The following CEL variants were observed in gnomAD, a reference collection of about 807,000 sequenced individuals.
CEL encodes the protein carboxyl ester lipase.
CEL carries 39 observed loss-of-function variants against 57.1 expected under a neutral mutation model. The observed-to-expected ratio is 0.68, with a 90% CI of 0.53 to 0.89. CEL has a LOEUF of 0.89. Among genes scored for constraint, CEL ranks in the 40% least tolerant of loss-of-function variants. The pLI is 0.00. For synonymous variants in CEL, 314 were observed against 396.6 expected (o/e 0.79, Z 2.48); for missense variants, 698 against 915.0 (o/e 0.76, Z 3.06).
At position 133,070,551 on chromosome 9, in the gene CEL, T is replaced by C. The variant is rs2257704; in HGVS notation, c.1377T>C (p.Ile459=). ...TGGGGGCCGACCATGCAGATGACAT[T>C]CAGTACGTTTTCGGGAAGCCCTTCG... is the stretch of plus-strand genomic sequence containing the variant. ...KWVGADHADD[I]QYVFGKPFAT... Residue 459 remains isoleucine (I), a synonymous_variant, in exon 10 of 11, where the codon ATT becomes ATC. Coordinates refer to ENST00000372080, the MANE Select transcript of CEL (RefSeq NM_001807.6). 2 of 1,613,970 alleles carry C rather than the reference T, an allele frequency of 1.2e-6. No homozygotes were observed. The highest frequency in any genetic ancestry group is 1.1e-5 in the South Asian group (1 of 91,078).
At chr9:133,068,345 G>A (rs1302981327) in intron 7 of CEL, among the ~76,000 whole-genome samples, 1 of 152,110 alleles carries the variant, frequency 6.6e-6, no homozygotes, top group Admixed American at 6.5e-5. Context: ...AGAGAGAGAG[G>A]AGAGGGAGGG....
chr9:133,066,833 C>T lies in CEL; in HGVS notation c.670-5C>T, dbSNP rs535604397. 1.1e-4 allele frequency: 173 copies of T among 1,611,078 alleles called. No homozygotes were observed. Among genetic ancestry groups the T allele is most frequent in the South Asian group, 6.7e-4 (61 of 90,714 alleles). On this transcript the variant is annotated splice_region_variant and splice_polypyrimidine_tract_variant and intron_variant, in intron 5 of 10. Coordinates refer to ENST00000372080, the MANE Select transcript of CEL (RefSeq NM_001807.6). This position sits in a 1 kb window ranked among gnomAD's most constrained non-coding sequence, Gnocchi z 4.3. Reference sequence around the variant, plus strand: ...CCTTGGTGACGGGATTTCTGGGTCCCGTAGACCCTCTCCCCCTACAACAAG... The same window carrying T: ...CCTTGGTGACGGGATTTCTGGGTCCTGTAGACCCTCTCCCCCTACAACAAG...
chr9:133,066,797 G>A lies in CEL; in HGVS notation c.670-41G>A. On this transcript the variant is annotated intron_variant, in intron 5 of 10. Coordinates refer to ENST00000372080, the MANE Select transcript of CEL (RefSeq NM_001807.6). This position sits in a 1 kb window ranked among gnomAD's most constrained non-coding sequence, Gnocchi z 4.3. ...CTTGTCCCAGCGTGGGGTGGGCAGA[G>A]TGGGGAGCGGCCTTGGTGACGGGAT... is the stretch of plus-strand genomic sequence containing the variant. The A allele has an allele frequency of 1.2e-6, 2 of 1,608,322 alleles. No individual in the cohort carries two copies. The highest frequency in any genetic ancestry group is 1.7e-6 in the Non-Finnish European group (2 of 1,176,554).
intron 3 of CEL, 78 bp downstream of exon 3, chr9:133,064,840 G>A: frequency 6.2e-7 from 1 of 1,604,768 alleles, no homozygotes; most frequent in Non-Finnish European, 8.5e-7. Flanking sequence ...TGAGTCTGGG[G>A]GCTGCAAAGC....
In CEL at chr9:133,071,044, A is replaced by G. The variant is rs751939489; in HGVS notation, c.1542A>G (p.Glu514=). 2.2e-5 allele frequency: 35 copies of G among 1,613,460 alleles called. 1 individual carries two copies. The South Asian group carries it at 3.6e-4, about 17-fold the overall frequency. The change falls in exon 11 of 11, where the codon GAA becomes GAG. Residue 514 remains glutamate, a synonymous_variant. Coordinates refer to ENST00000372080, the MANE Select transcript of CEL (RefSeq NM_001807.6). ...CACACTGGGAACCCTACACTACGGAAAACAGCGGCTACCTGGAGATCACCA... is the reference window on the plus strand; with the variant it reads ...CACACTGGGAACCCTACACTACGGAGAACAGCGGCTACCTGGAGATCACCA... ...VPTHWEPYTT[E]NSGYLEITKK...
chr9:133,063,970 C>T (rs2119057992), intron 1 of CEL, among the ~76,000 whole-genome samples: 1 of 152,300 alleles, frequency 6.6e-6, no homozygotes, highest in African/African-American at 2.4e-5. Flanking sequence ...CCCGGGTACA[C>T]TGAGCATTGG....
At chr9:133,064,303 G>A (rs1320233946) in intron 1 of CEL, 101 bp from the exon 2 acceptor site, 1 of 1,526,430 alleles carries the variant, frequency 6.6e-7, no homozygotes, top group East Asian at 2.3e-5. Flanking sequence ...CTTTGAAGCT[G>A]TCTTTGCCTC....
chr9:133,065,276 C>T (rs756842009), intron 4 of CEL, 39 bp downstream of exon 4: 2 of 1,602,030 alleles, frequency 1.2e-6, no homozygotes, highest in Non-Finnish European at 1.7e-6. Context: ...GGGCGACCAG[C>T]ATGCTGAGCC....
chr9:133,064,011 C>T (rs1457051183), intron 1 of CEL, among the ~76,000 whole-genome samples: 5 of 152,186 alleles, frequency 3.3e-5, no homozygotes, highest in African/African-American at 1.2e-4. Context: ...GGACAGGCCT[C>T]CCATGTGATG....
At chr9:133,067,787 T>C (rs1432515482) in intron 7 of CEL, among the ~76,000 whole-genome samples, 1 of 152,202 alleles carries the variant, frequency 6.6e-6, no homozygotes, top group African/African-American at 2.4e-5. Flanking sequence ...CATATAATTT[T>C]AGGGAGACTC....
At position 133,066,726 on chromosome 9, in the gene CEL, G is replaced by A. The variant is rs1830182986; in HGVS notation, c.669+66G>A. The A allele has an allele frequency of 3.7e-6, 6 of 1,606,450 alleles. No individual in the cohort carries two copies. The African/African-American group carries it at 4.0e-5, about 11-fold the overall frequency. On this transcript the variant is annotated intron_variant, in intron 5 of 10. Transcript: ENST00000372080. The surrounding 1 kb of genome is among the most constrained non-coding windows in gnomAD (Gnocchi z 4.3). ...AGAGGAAGCTCAAACGGGAAGGGGAGGGTGGGAGGAGGAGCGTGGAGCTGG... is the reference window on the plus strand; with the variant it reads ...AGAGGAAGCTCAAACGGGAAGGGGAAGGTGGGAGGAGGAGCGTGGAGCTGG...
Position 133,067,114 on chromosome 9 carries a change from G to C in CEL, c.804G>C (p.Val268=), listed in dbSNP as rs1830191289. 6.2e-7 allele frequency: 1 copy of C among 1,614,048 alleles called. No individual in the cohort carries two copies. The change falls in exon 7 of 11, where the codon GTG becomes GTC. Residue 268 remains valine, a synonymous_variant. Coordinates refer to ENST00000372080, the MANE Select transcript of CEL (RefSeq NM_001807.6). The part of the protein sequence containing the change: ...KKVAEKVGCP[V]GDAARMAQCL... ...TGGCTGAGAAGGTGGGTTGCCCTGT[G>C]GGTGATGCCGCCAGGATGGCCCAGT... is the stretch of plus-strand genomic sequence containing the variant.
chr9:133,064,916 C>T, intron 3 of CEL, 124 bp from the exon 4 acceptor site: 1 of 1,529,592 alleles, frequency 6.5e-7, no homozygotes, highest in Non-Finnish European at 8.9e-7. Context: ...CAGCCTGGGG[C>T]AGGGCAGCGC....
chr9:133,066,994 C>A lies in CEL; in HGVS notation c.777+49C>A. On this transcript the variant is annotated intron_variant, in intron 6 of 10. Transcript: ENST00000372080. This position sits in a 1 kb window ranked among gnomAD's most constrained non-coding sequence, Gnocchi z 4.3. ...GGCGGGGTGGGGGCTGTCCACATTTCCGTTCTTTATCCTGGACCCCATCCT... is the reference window on the plus strand; with the variant it reads ...GGCGGGGTGGGGGCTGTCCACATTTACGTTCTTTATCCTGGACCCCATCCT... 1 of 1,604,978 alleles carries A rather than the reference C, an allele frequency of 6.2e-7. No individual in the cohort carries two copies. The highest frequency in any genetic ancestry group is 8.5e-7 in the Non-Finnish European group (1 of 1,171,848).
intron 1 of CEL, among the ~76,000 whole-genome samples, chr9:133,063,360 A>G (rs1156300456): frequency 1.3e-5 from 2 of 152,158 alleles, no homozygotes; most frequent in African/African-American, 4.8e-5. Context: ...GGGGATGCCC[A>G]CGATGCCTGC....
At chr9:133,064,831 G>C in intron 3 of CEL, 69 bp downstream of exon 3, 1 of 1,607,754 alleles carries the variant, frequency 6.2e-7, no homozygotes, top group Non-Finnish European at 8.5e-7. Flanking sequence ...CTCCTGGCTT[G>C]AGTCTGGGGG....
At position 133,070,614 on chromosome 9, in the gene CEL, C is replaced by G. The variant is rs760638907; in HGVS notation, c.1440C>G (p.Val480=). The change falls in exon 10 of 11, where the codon GTC becomes GTG. Residue 480 remains valine (V), a synonymous_variant. Transcript: ENST00000372080. ...PTGYRPQDRT[V]SKAMIAYWTN... ...GCTACCGGCCCCAAGACAGGACAGT[C>G]TCTAAGGCCATGATCGCCTACTGGA... 6.2e-7 allele frequency: 1 copy of G among 1,614,198 alleles called. No homozygotes were observed. Among genetic ancestry groups the G allele is most frequent in the Admixed American group, 1.7e-5 (1 of 60,032 alleles).
intron 9 of CEL, among the ~76,000 whole-genome samples, chr9:133,069,545 TCCC>T (rs1297372847): frequency 6.6e-6 from 1 of 151,646 alleles, no homozygotes; most frequent in African/African-American, 2.4e-5. Context: ...CTACCTTCCA[TCCC>T]CCATGCTGTG....
Position 133,065,114 on chromosome 9 carries a change from T to G in CEL, c.415T>G (p.Phe139Val). 6.2e-7 allele frequency: 1 copy of G among 1,613,980 alleles called. No individual in the cohort carries two copies. Among genetic ancestry groups the G allele is most frequent in the Non-Finnish European group, 8.5e-7 (1 of 1,180,030 alleles). ...FLMGSGHGAN[F>V]LNNYLYDGEE... ...CATGGGGTCCGGCCATGGGGCCAAC[T>G]TCCTCAACAACTACCTGTATGACGG... The change falls in exon 4 of 11, where the codon TTC becomes GTC. Residue 139 changes from phenylalanine to valine, a missense_variant. By Grantham distance (50) the Phe-to-Val change is conservative (BLOSUM62 -1). This residue lies in a region of CEL where 327 missense variants were observed against 374.1 expected (regional missense o/e 0.87). Coordinates refer to ENST00000372080, the MANE Select transcript of CEL (RefSeq NM_001807.6).
Sources: allele counts gnomAD v4.1 joint callset (sites outside exome capture counted in the v4.1 genomes callset), GRCh38; gene constraint gnomAD v4.1.1; regional missense constraint gnomAD v4.1.1; non-coding constraint Gnocchi (gnomAD v3.1); transcripts MANE v1.5; gene names NCBI Gene and HGNC (gene_info 2026-07-23, HGNC 2026-07-21).